ZNF831: variants seen among roughly 807,000 people sequenced by gnomAD.
The protein encoded by ZNF831 is zinc finger protein 831.
A neutral mutation model predicts 95.8 loss-of-function variants in ZNF831; 59 were observed. The observed-to-expected ratio is 0.62, with a 90% CI of 0.50 to 0.77. ZNF831 has a LOEUF of 0.77. ZNF831 is among the 30% of genes least tolerant of loss of function. ZNF831 has a pLI of 0.00. For synonymous variants in ZNF831, 961 were observed against 925.5 expected, an observed-to-expected ratio of 1.04 and a Z score of -0.70; for missense variants, 2,205 against 2,164.0, an observed-to-expected ratio of 1.02 and a Z score of -0.38.
rs775307105 is a variant in ZNF831, at chr20:59,193,967, G to A, written c.2948G>A (p.Gly983Glu). ...PEERASFVGSGLGTPLSPSPA... is the reference protein window; with the variant it reads ...PEERASFVGSELGTPLSPSPA... ...GAACGGGCATCATTTGTTGGGTCAG[G>A]ACTGGGGACCCCTCTTTCTCCCAGC... The change falls in exon 2 of 6, where the codon GGA (glycine) becomes GAA (glutamate). Residue 983 changes from glycine to glutamate, a missense_variant. Coordinates refer to ENST00000371030, the MANE Select transcript of ZNF831 (RefSeq NM_178457.3). 10 of 1,550,710 alleles carry A rather than the reference G, an allele frequency of 6.4e-6. No individual in the cohort carries two copies. In the African/African-American group the frequency reaches 1.4e-4, roughly 21 times the overall value.
intron 4 of ZNF831, among the ~76,000 whole-genome samples, chr20:59,224,802 T>C (rs1986327156): frequency 6.6e-6 from 1 of 152,252 alleles, no homozygotes. Flanking sequence ...AGACATGTAT[T>C]CTCATTCATC....
In ZNF831 at chr20:59,191,442, G is replaced by T. The variant is rs1983513720; in HGVS notation, c.423G>T (p.Ala141=). Reference sequence around the variant, plus strand: ...GCAGCCCAGGCAAGGTGCGGAATGCGGGCAAGTACCTGTGTCCGCACTGTG... The same window carrying T: ...GCAGCCCAGGCAAGGTGCGGAATGCTGGCAAGTACCTGTGTCCGCACTGTG... ...TLGSPGKVRN[A]GKYLCPHCGR... is the part of the protein sequence containing the mutation. The change falls in exon 2 of 6, where the codon GCG becomes GCT. Residue 141 remains alanine (A), a synonymous_variant. Transcript: ENST00000371030. 1 of 1,612,776 alleles carries T rather than the reference G, an allele frequency of 6.2e-7. No homozygotes were observed. Among genetic ancestry groups the T allele is most frequent in the South Asian group, 1.1e-5 (1 of 91,074 alleles).
intron 3 of ZNF831, among the ~76,000 whole-genome samples, chr20:59,198,449 C>T (rs181440947): frequency 3.5e-4 from 54 of 152,348 alleles, no homozygotes; most frequent in Admixed American, 2.4e-3. Context: ...TTCCCTGCTG[C>T]GCTCTCTAGC....
intron 3 of ZNF831, among the ~76,000 whole-genome samples, chr20:59,203,313 A>G (rs1984659926): frequency 6.6e-6 from 1 of 152,174 alleles, no homozygotes; most frequent in Non-Finnish European, 1.5e-5. Flanking sequence ...ATTTATATAC[A>G]TATATATTTG....
chr20:59,252,988 G>A lies in ZNF831; in HGVS notation c.4038G>A (p.Leu1346=), dbSNP rs763942006. Residue 1346 remains leucine (L), a synonymous_variant, in exon 5 of 6, where the codon CTG becomes CTA. Transcript: ENST00000371030. ...CCTCTCCCCTTGCAGGTCTGAATCT[G>A]CAAGAGGAGCCATCTTGTGCCACCT... ...QTSSEIAGLN[L]QEEPSCATSE... The A allele has an allele frequency of 1.5e-5, 24 of 1,613,672 alleles. No individual in the cohort carries two copies. In the South Asian group the frequency reaches 2.6e-4, roughly 18 times the overall value.
intron 4 of ZNF831, among the ~76,000 whole-genome samples, chr20:59,220,340 G>A (rs1985998325): frequency 2.6e-5 from 4 of 152,202 alleles, no homozygotes; most frequent in South Asian, 2.1e-4. Flanking sequence ...TGCGCCTTGC[G>A]GGGTCTGTTT....
intron 4 of ZNF831, among the ~76,000 whole-genome samples, chr20:59,228,680 T>A (rs933670963): frequency 1.3e-5 from 2 of 152,172 alleles, no homozygotes; most frequent in Non-Finnish European, 2.9e-5. Flanking sequence ...AAAGGGCTCT[T>A]TAAAAAGTGA....
intron 4 of ZNF831, among the ~76,000 whole-genome samples, chr20:59,220,568 G>A (rs763490462): frequency 7.2e-5 from 11 of 152,204 alleles, no homozygotes; most frequent in South Asian, 2.1e-4. Context: ...TCATGCCATG[G>A]AGAAAGTCTT....
chr20:59,215,963 T>C (rs756854814), intron 4 of ZNF831, among the ~76,000 whole-genome samples: 11 of 152,140 alleles, frequency 7.2e-5, no homozygotes, highest in Non-Finnish European at 1.0e-4. Context: ...TAAAAAGAGA[T>C]TTGGAAGTGT....
chr20:59,181,077 C>A (rs202067701), intron 1 of ZNF831, among the ~76,000 whole-genome samples: 1 of 152,176 alleles, frequency 6.6e-6, no homozygotes, highest in Admixed American at 6.5e-5. Flanking sequence ...CTAACTGGCA[C>A]GAGATGGTAT....
intron 3 of ZNF831, among the ~76,000 whole-genome samples, chr20:59,203,849 A>G (rs2146629238): frequency 6.6e-6 from 1 of 152,340 alleles, no homozygotes; most frequent in African/African-American, 2.4e-5. Flanking sequence ...CAGAAAATTC[A>G]TACTCAGAAG....
At chr20:59,211,844 A>G (rs569090208) in intron 4 of ZNF831, among the ~76,000 whole-genome samples, 1 of 149,146 alleles carries the variant, frequency 6.7e-6, no homozygotes, top group Admixed American at 6.6e-5. Flanking sequence ...TTTCTTTCTG[A>G]GGAGAGATGA....
At position 59,192,716 on chromosome 20, in the gene ZNF831, C is replaced by T. The variant is rs2146570413; in HGVS notation, c.1697C>T (p.Ala566Val). 6.2e-7 allele frequency: 1 copy of T among 1,603,352 alleles called. No homozygotes were observed. The highest frequency in any genetic ancestry group is 8.5e-7 in the Non-Finnish European group (1 of 1,175,844). The change falls in exon 2 of 6, where the codon GCG becomes GTG. Residue 566 changes from alanine to valine, a missense_variant. Transcript: ENST00000371030. This position sits in a 1 kb window ranked among gnomAD's most constrained non-coding sequence, Gnocchi z 5.2. ...GHPRALVRQA[A>V]VEDLPGTPIG... ...CCCCGGGCCCTGGTCAGACAGGCCG[C>T]GGTGGAGGACCTGCCAGGCACCCCC...
intron 4 of ZNF831, among the ~76,000 whole-genome samples, chr20:59,233,000 A>AGG (rs1986811084): frequency 2.6e-5 from 2 of 78,140 alleles, no homozygotes; most frequent in African/African-American, 7.6e-5. Flanking sequence ...TGAGGCACAC[A>AGG]CACACACACA....
At chr20:59,212,924 T>C (rs1297428837) in intron 4 of ZNF831, among the ~76,000 whole-genome samples, 2 of 152,222 alleles carry the variant, frequency 1.3e-5, no homozygotes, top group East Asian at 3.8e-4. Context: ...GTGCTCAAGA[T>C]GTTGCATTTT....
chr20:59,171,948 A>G (rs781175955), intron 1 of ZNF831, among the ~76,000 whole-genome samples: 1 of 152,188 alleles, frequency 6.6e-6, no homozygotes, highest in Non-Finnish European at 1.5e-5. Flanking sequence ...TTGTTCCACT[A>G]TGTGGCAACA....
intron 1 of ZNF831, among the ~76,000 whole-genome samples, chr20:59,170,573 C>G (rs1325910929): frequency 6.6e-6 from 1 of 152,136 alleles, no homozygotes; most frequent in Non-Finnish European, 1.5e-5. Context: ...CTTGATGTAG[C>G]AGTCTGGGTC....
chr20:59,152,802 G>A (rs1053612738), intron 2 of ZNF831, among the ~76,000 whole-genome samples: 1 of 152,138 alleles, frequency 6.6e-6, no homozygotes, highest in Non-Finnish European at 1.5e-5. Flanking sequence ...GCCAGTATGT[G>A]GCTGTGCTGC....
At chr20:59,166,600 C>T (rs1446289950) in intron 1 of ZNF831, among the ~76,000 whole-genome samples, 1 of 152,046 alleles carries the variant, frequency 6.6e-6, no homozygotes, top group African/African-American at 2.4e-5. Flanking sequence ...AACCCCTTAA[C>T]CCCAAGCAAT....
Sources: allele counts gnomAD v4.1 joint callset (sites outside exome capture counted in the v4.1 genomes callset), GRCh38; gene constraint gnomAD v4.1.1; non-coding constraint Gnocchi (gnomAD v3.1); transcripts MANE v1.5; gene names NCBI Gene and HGNC (gene_info 2026-07-23, HGNC 2026-07-21).